The following UBOX5 variants were observed in gnomAD, a reference collection of about 807,000 sequenced individuals.
UBOX5 encodes U-box domain containing 5.
UBOX5 carries 28 observed loss-of-function variants against 39.0 expected under a neutral mutation model. That is an observed-to-expected ratio of 0.72 (90% CI 0.53 to 0.98). The LOEUF (loss-of-function observed/expected upper bound fraction) is 0.98, where lower values mean the gene tolerates loss of function less well. Ranked by LOEUF, UBOX5 falls within the 50% of genes least tolerant of loss-of-function variation. The probability of loss-of-function intolerance (pLI) is 0.00; values close to 1 mark genes in which losing one functional copy is unlikely to be tolerated. For missense variants in UBOX5, 585 were observed against 674.4 expected (o/e 0.87, Z 1.47); for synonymous variants, 283 against 275.5 (o/e 1.03, Z -0.27).
chr20:3,151,990 A>G (rs1336086222), intron 1 of UBOX5: 1 of 151,178 alleles, frequency 6.6e-6, no homozygotes, highest in Non-Finnish European at 1.5e-5. Flanking sequence ...GTGTAATCCC[A>G]GCCACTCGGG....
intron 1 of UBOX5, among the ~76,000 whole-genome samples, chr20:3,150,134 A>G (rs533047664): frequency 6.6e-6 from 1 of 152,274 alleles, no homozygotes; most frequent in East Asian, 1.9e-4. Flanking sequence ...TTTACTTTTT[A>G]GAAGATGCCT....
chr20:3,145,201 G>A (rs1020159589), intron 1 of UBOX5, among the ~76,000 whole-genome samples: 1 of 151,812 alleles, frequency 6.6e-6, no homozygotes, highest in African/African-American at 2.4e-5. Context: ...CAGCCAGGTG[G>A]GAGTGCACTG....
At chr20:3,145,239 A>C (rs2066550194) in intron 1 of UBOX5, among the ~76,000 whole-genome samples, 1 of 151,426 alleles carries the variant, frequency 6.6e-6, no homozygotes, top group Admixed American at 6.6e-5. Context: ...TGCAGTCTTG[A>C]CCTTCTAAAC....
chr20:3,111,010 G>A (rs146002346), intron 4 of UBOX5, among the ~76,000 whole-genome samples: 187 of 152,200 alleles, frequency 1.2e-3, no homozygotes, highest in African/African-American at 3.9e-3. Context: ...ACTGCTACTG[G>A]CAGCCCTGCT....
At chr20:3,121,322 A>AGCT (rs1245493848) in intron 3 of UBOX5, 62 bp downstream of exon 3, 1 of 1,551,212 alleles carries the variant, frequency 6.4e-7, no homozygotes, top group Admixed American at 1.9e-5. Context: ...AGGGCAGCAG[A>AGCT]GCTGAGAGCT....
rs2066222099 is a variant in UBOX5 at position 3,107,774 on chromosome 20, G to A, written c.*2332C>T. The A allele has an allele frequency of 6.6e-6, 1 of 152,184 alleles. No individual in the cohort carries two copies. Among genetic ancestry groups the A allele is most frequent in the Non-Finnish European group, 1.5e-5 (1 of 68,066 alleles). 9.4% of individuals were successfully genotyped at this position (152,184 alleles called of 1,614,324 possible). A position where few individuals can be genotyped will look rare whatever the true frequency, so the allele number is the denominator to read the frequency against. On this transcript the variant is annotated 3_prime_UTR_variant, in exon 5 of 5. Transcript: ENST00000217173. The surrounding 1 kb of genome is among the most constrained non-coding windows in gnomAD (Gnocchi z 5.0). Reference sequence around the variant, plus strand: ...CTGCCACTCCAGGGGCTCCCAGGCTGGATTTTCCACCAGAGCAGTCTTGGG... The same window carrying A: ...CTGCCACTCCAGGGGCTCCCAGGCTAGATTTTCCACCAGAGCAGTCTTGGG...
intron 3 of UBOX5, among the ~76,000 whole-genome samples, chr20:3,118,538 A>G (rs2066310830): frequency 6.6e-6 from 1 of 152,098 alleles, no homozygotes; most frequent in Non-Finnish European, 1.5e-5. Flanking sequence ...TGGGAGGCCG[A>G]GGTGGGTGGA....
intron 1 of UBOX5, chr20:3,147,265 T>C (rs2066574586): frequency 1.9e-6 from 3 of 1,614,234 alleles, no homozygotes; most frequent in African/African-American, 2.7e-5. Context: ...CTCTATTAAA[T>C]GGTAATGGCT....
chr20:3,126,525 G>C (rs976257004), intron 1 of UBOX5, among the ~76,000 whole-genome samples: 1 of 123,960 alleles, frequency 8.1e-6, no homozygotes, highest in Non-Finnish European at 1.7e-5. Context: ...AAAAAAAAAA[G>C]AAAAGAAAAA....
chr20:3,108,111 C>G lies in UBOX5; in HGVS notation c.*1995G>C, dbSNP rs918297329. On this transcript the variant is annotated 3_prime_UTR_variant, in exon 5 of 5. Transcript: ENST00000217173. ...GAAATGCTTTTGCTACATGCTGGGGCTTTTTTCTTTTTTTGAGAGGGAGTC... is the reference window on the plus strand; with the variant it reads ...GAAATGCTTTTGCTACATGCTGGGGGTTTTTTCTTTTTTTGAGAGGGAGTC... 6.6e-6 allele frequency: 1 copy of G among 152,286 alleles called. No individual in the cohort carries two copies. Among genetic ancestry groups the G allele is most frequent in the African/African-American group, 2.4e-5 (1 of 41,412 alleles). 9.4% of individuals were successfully genotyped at this position (152,286 alleles called of 1,614,324 possible).
At position 3,149,480 on chromosome 20, in the gene UBOX5, T is replaced by C. The variant is rs1466042869; in HGVS notation, c.-42+10286A>G. Among the ~76,000 whole-genome samples the C allele has an allele frequency of 6.6e-6, 1 of 152,174 alleles. No homozygotes were observed. The highest frequency in any genetic ancestry group is 2.4e-5 in the African/African-American group (1 of 41,458). On this transcript the variant is annotated intron_variant, in intron 1 of 4. Coordinates refer to ENST00000217173, the MANE Select transcript of UBOX5 (RefSeq NM_014948.4). The surrounding 1 kb of genome is among the most constrained non-coding windows in gnomAD (Gnocchi z 4.1). ...ACCCAGGGTACCCGTGGGCAGTTCC[T>C]GGACTGCTGCTCACCAGACTTCCTT... is the stretch of plus-strand genomic sequence containing the variant.
chr20:3,130,332 C>A (rs1027636288), intron 1 of UBOX5, among the ~76,000 whole-genome samples: 5 of 94,056 alleles, frequency 5.3e-5, no homozygotes, highest in African/African-American at 2.3e-4. Context: ...GTTGTTTATG[C>A]CTTTTTTTTT....
chr20:3,123,184 A>G, intron 2 of UBOX5, 128 bp downstream of exon 2: 1 of 941,302 alleles, frequency 1.1e-6, no homozygotes, highest in Non-Finnish European at 1.6e-6. Flanking sequence ...ATACCATCTG[A>G]TGGAATCTAA....
intron 1 of UBOX5, chr20:3,147,022 G>A (rs1466928672): frequency 6.2e-7 from 1 of 1,614,200 alleles, no homozygotes; most frequent in South Asian, 1.1e-5. Flanking sequence ...CGGGGCACAG[G>A]CCAGCCATCT....
At chr20:3,110,343 G>A (rs1177878266) in intron 4 of UBOX5, 29 bp from the exon 5 acceptor site, 1 of 1,612,952 alleles carries the variant, frequency 6.2e-7, no homozygotes, top group East Asian at 2.2e-5. Context: ...AAACAGGCCA[G>A]GGTTAGGAAA....
chr20:3,136,035 A>C (rs1221897220), intron 1 of UBOX5: 1 of 152,184 alleles, frequency 6.6e-6, no homozygotes, highest in Non-Finnish European at 1.5e-5. Context: ...ACTTAGAGGC[A>C]ATTCACCCTT....
At chr20:3,124,346 G>A (rs1056100306) in intron 1 of UBOX5, among the ~76,000 whole-genome samples, 7 of 152,102 alleles carry the variant, frequency 4.6e-5, no homozygotes, top group Non-Finnish European at 8.8e-5. Flanking sequence ...TCGGCCTGCC[G>A]AGTGCCTGCC....
At chr20:3,147,763 T>C in intron 1 of UBOX5, 9 of 1,614,212 alleles carry the variant, frequency 5.6e-6, no homozygotes, top group Non-Finnish European at 7.6e-6. Flanking sequence ...GAGTTCCAAA[T>C]GACCACAGAA....
At position 3,121,750 on chromosome 20, in the gene UBOX5, C is replaced by T; in HGVS notation, c.889G>A (p.Ala297Thr). 1 of 1,614,134 alleles carries T rather than the reference C, an allele frequency of 6.2e-7. No individual in the cohort carries two copies. The change falls in exon 3 of 5, where the codon GCC (alanine) becomes ACC (threonine). Residue 297 changes from alanine (A) to threonine (T), a missense_variant. Physicochemically the swap from Ala to Thr is moderately conservative, Grantham distance 58. Transcript: ENST00000217173. ...STLEKCNRSEATWGRVPSDPF... is the reference protein window; with the variant it reads ...STLEKCNRSETTWGRVPSDPF... Reference sequence around the variant, plus strand: ...TCACTGGGCACTCGGCCCCATGTGGCTTCACTGCGGTTACACTTCTCCAGT... The same window carrying T: ...TCACTGGGCACTCGGCCCCATGTGGTTTCACTGCGGTTACACTTCTCCAGT...
Sources: allele counts gnomAD v4.1 joint callset (sites outside exome capture counted in the v4.1 genomes callset), GRCh38; gene constraint gnomAD v4.1.1; non-coding constraint Gnocchi (gnomAD v3.1); transcripts MANE v1.5; gene names NCBI Gene and HGNC (gene_info 2026-07-23, HGNC 2026-07-21).